The following ARHGAP32 variants were observed in gnomAD, a reference collection of about 807,000 sequenced individuals.
ARHGAP32 encodes the protein rho GTPase-activating protein 32.
Under a neutral mutation model 186.5 loss-of-function variants are expected in ARHGAP32, and 51 were observed. The ratio of observed to expected loss-of-function variants is 0.27; its 90% CI spans 0.22 to 0.35. The LOEUF is 0.35. Ranked by LOEUF, ARHGAP32 falls within the 10% of genes least tolerant of loss-of-function variation. The pLI, the probability that ARHGAP32 is intolerant of heterozygous loss-of-function variation, is 1.00. For synonymous variants in ARHGAP32, 950 were observed against 964.3 expected, an observed-to-expected ratio of 0.99 and a Z score of 0.27; for missense variants, 2,186 against 2,623.5, an observed-to-expected ratio of 0.83 and a Z score of 3.64.
intron 1 of ARHGAP32, among the ~76,000 whole-genome samples, chr11:129,177,774 G>C (rs1236315731): frequency 6.6e-6 from 1 of 152,160 alleles, no homozygotes; most frequent in Non-Finnish European, 1.5e-5. Flanking sequence ...ATTAGGTATT[G>C]ATGGGACATA....
At chr11:129,085,086 C>T (rs932023472) in intron 6 of ARHGAP32, among the ~76,000 whole-genome samples, 1 of 151,668 alleles carries the variant, frequency 6.6e-6, no homozygotes, top group Non-Finnish European at 1.5e-5. Context: ...TGCAGTGGTA[C>T]AATCATGCCT....
chr11:129,064,857 G>A lies in ARHGAP32; in HGVS notation c.746C>T (p.Ala249Val). The A allele has an allele frequency of 6.3e-7, 1 of 1,595,508 alleles. No homozygotes were observed. Among genetic ancestry groups the A allele is most frequent in the South Asian group, 1.1e-5 (1 of 87,496 alleles). The change falls in exon 8 of 23, where the codon GCC (alanine) becomes GTC (valine). Residue 249 changes from alanine (A) to valine (V), a missense_variant. By Grantham distance (64) the Ala-to-Val change is moderately conservative. This residue lies in a region of ARHGAP32 where 308 missense variants were observed against 596.5 expected (regional missense o/e 0.52). Coordinates refer to ENST00000682385, the MANE Select transcript of ARHGAP32 (RefSeq NM_001378024.1). ...AGGAAATACCTCCATCCAGGTAAGGGCGGGCCCACAGTTGATCTTGTTGCC... is the reference window on the plus strand; with the variant it reads ...AGGAAATACCTCCATCCAGGTAAGGACGGGCCCACAGTTGATCTTGTTGCC... ...IAGNKINCGP[A>V]LTWMEIDNKG...
chr11:129,031,498 T>C (rs1939112299), intron 11 of ARHGAP32, among the ~76,000 whole-genome samples: 2 of 152,220 alleles, frequency 1.3e-5, no homozygotes, highest in South Asian at 2.1e-4. Flanking sequence ...ACACCTGCAT[T>C]AAATCTAGTG....
At chr11:129,079,252 C>G (rs1015291877) in intron 6 of ARHGAP32, among the ~76,000 whole-genome samples, 2 of 152,100 alleles carry the variant, frequency 1.3e-5, no homozygotes, top group Non-Finnish European at 2.9e-5. Context: ...AACATAAGCT[C>G]AAAGAACAAC....
At chr11:129,135,468 T>C (rs1942915541) in intron 2 of ARHGAP32, among the ~76,000 whole-genome samples, 1 of 152,294 alleles carries the variant, frequency 6.6e-6, no homozygotes, top group East Asian at 1.9e-4. Flanking sequence ...GATTTCTATA[T>C]GAATAAAAAT....
intron 11 of ARHGAP32, among the ~76,000 whole-genome samples, chr11:129,026,613 G>A (rs1486019935): frequency 6.6e-6 from 1 of 151,974 alleles, no homozygotes; most frequent in Non-Finnish European, 1.5e-5. Flanking sequence ...GGCCAATATG[G>A]TGAAACCCTG....
chr11:128,990,133 G>T (rs1203517933), intron 12 of ARHGAP32, among the ~76,000 whole-genome samples: 2 of 152,026 alleles, frequency 1.3e-5, no homozygotes, highest in Non-Finnish European at 2.9e-5. Flanking sequence ...CCTCTAGCTG[G>T]ACTCTCTCCC....
chr11:129,024,471 A>G (rs1360011867), intron 11 of ARHGAP32, among the ~76,000 whole-genome samples: 1 of 152,224 alleles, frequency 6.6e-6, no homozygotes, highest in African/African-American at 2.4e-5. Flanking sequence ...ACTGCCAGTA[A>G]AAGGCTGAAT....
chr11:129,040,871 ATC>A (rs918983529), intron 11 of ARHGAP32, 55 bp downstream of exon 11: 191 of 1,243,076 alleles, frequency 1.5e-4, no homozygotes, highest in Non-Finnish European at 2.0e-5. Flanking sequence ...CTGACAGAAA[ATC>A]TGTGTCTTCA....
intron 6 of ARHGAP32, among the ~76,000 whole-genome samples, chr11:129,090,527 G>T (rs1192197194): frequency 6.6e-6 from 1 of 152,110 alleles, no homozygotes; most frequent in East Asian, 1.9e-4. Context: ...AAAGCTGACA[G>T]TGAAACATTA....
rs370872768 is a variant in ARHGAP32, at chr11:129,098,654, C to T, written c.445-4947G>A. Among the ~76,000 whole-genome samples, 66 of 152,132 alleles carry T rather than the reference C, an allele frequency of 4.3e-4. No homozygotes were observed. The East Asian group carries it at 0.011, about 26-fold the overall frequency. Reference sequence around the variant, plus strand: ...CAGGATGGTCTTGATCTCCTGACCCCGTGATCCACCCGCCTCGGCCTCCCA... The same window carrying T: ...CAGGATGGTCTTGATCTCCTGACCCTGTGATCCACCCGCCTCGGCCTCCCA... On this transcript the variant is annotated intron_variant, in intron 5 of 22. Transcript: ENST00000682385.
At chr11:129,233,988 G>A (rs1011156281) in intron 1 of ARHGAP32, among the ~76,000 whole-genome samples, 1 of 151,950 alleles carries the variant, frequency 6.6e-6, no homozygotes, top group African/African-American at 2.4e-5. Context: ...GGGTTCAATT[G>A]TATAATATTT....
chr11:129,135,283 TATA>T (rs1942910515), intron 2 of ARHGAP32, among the ~76,000 whole-genome samples: 1 of 152,136 alleles, frequency 6.6e-6, no homozygotes, highest in African/African-American at 2.4e-5. Context: ...ACTGTAAAAG[TATA>T]ATAACTAAGA....
rs1423101061 is a variant in ARHGAP32 at position 128,970,106 on chromosome 11, A to C, written c.5107T>G (p.Phe1703Val). ...RPLHRLPNRD[F>V]AFYNPRLQGK... The stretch of plus-strand genomic sequence containing the variant: ...TGCAGCCTAGGATTGTAGAAAGCAA[A>C]GTCTCGATTGGGAAGGCGGTGAAGG... Residue 1703 changes from phenylalanine to valine, a missense_variant, in exon 23 of 23, where the codon TTT (phenylalanine) becomes GTT (valine). Around this residue, in one of 5 missense-constraint regions of ARHGAP32, gnomAD observed 1,502 missense variants for 1,570.0 expected, o/e 0.96. Coordinates refer to ENST00000682385, the MANE Select transcript of ARHGAP32 (RefSeq NM_001378024.1). The surrounding 1 kb of genome is among the most constrained non-coding windows in gnomAD (Gnocchi z 5.8). 6.2e-7 allele frequency: 1 copy of C among 1,614,216 alleles called. No individual in the cohort carries two copies.
rs550791905 is a variant in ARHGAP32, at chr11:128,969,892, C to G, written c.5321G>C (p.Arg1774Pro). 1 of 1,614,210 alleles carries G rather than the reference C, an allele frequency of 6.2e-7. No individual in the cohort carries two copies. The highest frequency in any genetic ancestry group is 1.7e-5 in the Admixed American group (1 of 60,018). The change falls in exon 23 of 23, where the codon CGT becomes CCT. Residue 1774 changes from arginine to proline, a missense_variant. Around this residue, in one of 5 missense-constraint regions of ARHGAP32, gnomAD observed 1,502 missense variants for 1,570.0 expected, o/e 0.96. Transcript: ENST00000682385. This position sits in a 1 kb window ranked among gnomAD's most constrained non-coding sequence, Gnocchi z 4.8. ...YRMQSIRRES[R>P]ARQKVKGPVM... ...AGGCCCTTTCACCTTCTGCCGAGCACGGCTCTCTCTCCGGATGGACTGCAT... is the reference window on the plus strand; with the variant it reads ...AGGCCCTTTCACCTTCTGCCGAGCAGGGCTCTCTCTCCGGATGGACTGCAT...
In ARHGAP32 at chr11:129,000,562, T is replaced by C. The variant is rs549183669; in HGVS notation, c.1046-2094A>G. On this transcript the variant is annotated intron_variant, in intron 11 of 22. Transcript: ENST00000682385. ...GATACAAGCATGCAATGTGTAATAA[T>C]CACACCAGGGTAAATGGGGTATCCA... Among the ~76,000 whole-genome samples, 14 of 152,330 alleles carry C rather than the reference T, an allele frequency of 9.2e-5. No homozygotes were observed. In the South Asian group the frequency reaches 2.9e-3, roughly 32 times the overall value.
rs1480907239 is a variant in ARHGAP32, at chr11:129,123,521, G to A, written c.369C>T (p.Phe123=). The part of the protein sequence containing the change: ...MGCDNIHRLP[F]TKGHFPKMAE... ...CCATCTTCGGAAAGTGACCTTTAGT[G>A]AAGGGTAACCTGAAACACATGAAAT... The change falls in exon 5 of 23, where the codon TTC becomes TTT. Residue 123 remains phenylalanine (F), a synonymous_variant. Coordinates refer to ENST00000682385, the MANE Select transcript of ARHGAP32 (RefSeq NM_001378024.1). This position sits in a 1 kb window ranked among gnomAD's most constrained non-coding sequence, Gnocchi z 4.6. 10 of 1,612,038 alleles carry A rather than the reference G, an allele frequency of 6.2e-6. No individual in the cohort carries two copies. The highest frequency in any genetic ancestry group is 8.5e-6 in the Non-Finnish European group (10 of 1,178,624).
At chr11:129,219,202 T>C (rs1591703071) in intron 1 of ARHGAP32, among the ~76,000 whole-genome samples, 1 of 152,330 alleles carries the variant, frequency 6.6e-6, no homozygotes, top group Non-Finnish European at 1.5e-5. Context: ...CAAATAGAAA[T>C]ACCTTTATTT....
rs540593162 is a variant in ARHGAP32 at position 129,152,816 on chromosome 11, A to G, written c.225+11503T>C. 2.0e-5 allele frequency among the ~76,000 whole-genome samples: 3 copies of G among 152,312 alleles called. No individual in the cohort carries two copies. The East Asian group carries it at 5.8e-4, about 29-fold the overall frequency. ...GGACAAGCTGAAAGCATTGCCCCTG[A>G]GAACTGGCACAAGACAAGGATGCCC... On this transcript the variant is annotated intron_variant, in intron 2 of 22. Coordinates refer to ENST00000682385, the MANE Select transcript of ARHGAP32 (RefSeq NM_001378024.1).
Sources: allele counts gnomAD v4.1 joint callset (sites outside exome capture counted in the v4.1 genomes callset), GRCh38; gene constraint gnomAD v4.1.1; regional missense constraint gnomAD v4.1.1; non-coding constraint Gnocchi (gnomAD v3.1); transcripts MANE v1.5; gene names NCBI Gene and HGNC (gene_info 2026-07-23, HGNC 2026-07-21).